KDM4C: variants seen among roughly 807,000 people sequenced by gnomAD.
KDM4C encodes the protein lysine demethylase 4C, also known as lysine-specific demethylase 4C.
Under a neutral mutation model 129.3 loss-of-function variants are expected in KDM4C, and 81 were observed. That is an observed-to-expected ratio of 0.63 (90% CI 0.52 to 0.75). KDM4C has a LOEUF of 0.75. KDM4C is among the 30% of genes least tolerant of loss of function. KDM4C has a pLI of 0.00. For missense variants in KDM4C, 1,457 were observed against 1,304.0 expected (o/e 1.12, Z -1.81); for synonymous variants, 573 against 456.1 (o/e 1.26, Z -3.26).
At chr9:6,979,443 G>T (rs762461778) in intron 8 of KDM4C, among the ~76,000 whole-genome samples, 1 of 152,074 alleles carries the variant, frequency 6.6e-6, no homozygotes, top group Non-Finnish European at 1.5e-5. Flanking sequence ...AAGCATAAGG[G>T]GCATTTGGGC....
Position 7,170,112 on chromosome 9 carries a change from C to A in KDM4C, c.2994+222C>A. 7 of 1,427,582 alleles carry A rather than the reference C, an allele frequency of 4.9e-6. No individual in the cohort carries two copies. In the South Asian group the frequency reaches 1.0e-4, roughly 20 times the overall value. 88.4% of individuals were successfully genotyped at this position (1,427,582 alleles called of 1,614,324 possible). On this transcript the variant is annotated intron_variant, in intron 21 of 21. Transcript: ENST00000381309. ...CTTTACTTTTCTTCTAATGAAGTCA[C>A]ATGATGCTTCTTTGTGTTGACATTT...
intron 6 of KDM4C, among the ~76,000 whole-genome samples, chr9:6,886,186 T>G (rs1432373760): frequency 6.6e-6 from 1 of 152,224 alleles, no homozygotes; most frequent in Non-Finnish European, 1.5e-5. Context: ...AGTGTCTTAC[T>G]TTCCCTCCAC....
At chr9:7,032,726 G>T (rs1826983464) in intron 15 of KDM4C, among the ~76,000 whole-genome samples, 1 of 152,158 alleles carries the variant, frequency 6.6e-6, no homozygotes, top group South Asian at 2.1e-4. Flanking sequence ...TCATTCCCAG[G>T]CCTTGCCTCC....
At chr9:7,107,288 A>G (rs1837800175) in intron 18 of KDM4C, among the ~76,000 whole-genome samples, 1 of 152,264 alleles carries the variant, frequency 6.6e-6, no homozygotes, top group South Asian at 2.1e-4. Context: ...GGAAAAGACA[A>G]CACAATAAAT....
At chr9:6,980,527 C>G (rs927602658) in intron 8 of KDM4C, among the ~76,000 whole-genome samples, 3 of 152,126 alleles carry the variant, frequency 2.0e-5, no homozygotes, top group Admixed American at 6.5e-5. Flanking sequence ...ATTCTAATCA[C>G]ACATTCATTG....
At chr9:7,135,632 T>TG (rs1275599751) in intron 19 of KDM4C, among the ~76,000 whole-genome samples, 5 of 152,136 alleles carry the variant, frequency 3.3e-5, no homozygotes, top group African/African-American at 1.2e-4. Context: ...TTAGGCATCA[T>TG]GGGGGATTCA....
At chr9:6,834,478 C>A in intron 4 of KDM4C, 1 of 574,754 alleles carries the variant, frequency 1.7e-6, no homozygotes, top group South Asian at 1.6e-5. Flanking sequence ...ATTGCTACGC[C>A]CGTCGTCGAC....
chr9:7,151,727 A>C (rs905157335), intron 19 of KDM4C, among the ~76,000 whole-genome samples: 1 of 152,162 alleles, frequency 6.6e-6, no homozygotes, highest in African/African-American at 2.4e-5. Flanking sequence ...ATAGACTTGG[A>C]GTTTCCCAGA....
At chr9:6,775,848 C>T (rs1267858932) in intron 1 of KDM4C, among the ~76,000 whole-genome samples, 1 of 152,132 alleles carries the variant, frequency 6.6e-6, no homozygotes, top group Non-Finnish European at 1.5e-5. Context: ...AGTTGCACTG[C>T]TGATGTTTTG....
intron 20 of KDM4C, 55 bp downstream of exon 20, chr9:7,165,412 G>A: frequency 6.3e-7 from 1 of 1,583,874 alleles, no homozygotes; most frequent in South Asian, 1.2e-5. Context: ...AAGTCAGAAG[G>A]AGATAGTATC....
At chr9:7,117,340 G>C (rs1839012684) in intron 18 of KDM4C, among the ~76,000 whole-genome samples, 2 of 152,154 alleles carry the variant, frequency 1.3e-5, no homozygotes, top group African/African-American at 2.4e-5. Context: ...ATCTGTTTTA[G>C]TGTGTTTAAC....
chr9:6,772,261 T>A (rs778645728), intron 1 of KDM4C, among the ~76,000 whole-genome samples: 10 of 152,104 alleles, frequency 6.6e-5, no homozygotes, highest in East Asian at 1.9e-4. Context: ...GCAATTCTGC[T>A]GCCTCAGCCT....
chr9:7,093,836 G>A (rs1836097852), intron 17 of KDM4C, among the ~76,000 whole-genome samples: 1 of 152,200 alleles, frequency 6.6e-6, no homozygotes, highest in African/African-American at 2.4e-5. Context: ...TCTGAAGGTA[G>A]AGGGGAGGGA....
At chr9:6,761,211 G>C (rs894802194) in intron 1 of KDM4C, among the ~76,000 whole-genome samples, 1 of 151,926 alleles carries the variant, frequency 6.6e-6, no homozygotes, top group Non-Finnish European at 1.5e-5. Context: ...GTTTCACCAT[G>C]TTGTTCAGGC....
Position 6,758,136 on chromosome 9 carries a change from G to C in KDM4C, c.-85G>C. 1 of 985,662 alleles carries C rather than the reference G, an allele frequency of 1.0e-6. No individual in the cohort carries two copies. The highest frequency in any genetic ancestry group is 1.2e-6 in the Non-Finnish European group (1 of 830,122). 61.1% of individuals were successfully genotyped at this position (985,662 alleles called of 1,614,324 possible). ...TCTCCCAAATTTCCCAAATCTCCCTGGGCCGGAGGCCACTGTCTTCTCTTC... is the reference window on the plus strand; with the variant it reads ...TCTCCCAAATTTCCCAAATCTCCCTCGGCCGGAGGCCACTGTCTTCTCTTC... On this transcript the variant is annotated 5_prime_UTR_variant, in exon 1 of 22. Transcript: ENST00000381309. The surrounding 1 kb of genome is among the most constrained non-coding windows in gnomAD (Gnocchi z 4.6).
At position 6,835,104 on chromosome 9, in the gene KDM4C, T is replaced by C. The variant is rs1835640719; in HGVS notation, c.436-14403T>C. 16 of 1,009,858 alleles carry C rather than the reference T, an allele frequency of 1.6e-5. No individual in the cohort carries two copies. The South Asian group carries it at 1.6e-4, about 10-fold the overall frequency. The allele number at this position is 1,009,858 out of a possible 1,614,324, so 62.6% of individuals were successfully genotyped here. The stretch of plus-strand genomic sequence containing the variant: ...GTGACATCAAGGAGAAGCTGTGCTA[T>C]GTTGCTCTGGCCTTCGAGCAGGAGA... On this transcript the variant is annotated intron_variant, in intron 4 of 21. Transcript: ENST00000381309.
At chr9:7,141,904 C>T (rs930844589) in intron 19 of KDM4C, among the ~76,000 whole-genome samples, 3 of 152,038 alleles carry the variant, frequency 2.0e-5, no homozygotes, top group African/African-American at 4.8e-5. Context: ...GTGACGTGAC[C>T]AGGCACTTCA....
At chr9:7,004,619 T>C (rs1319635650) in intron 12 of KDM4C, among the ~76,000 whole-genome samples, 1 of 152,242 alleles carries the variant, frequency 6.6e-6, no homozygotes, top group African/African-American at 2.4e-5. Context: ...AAGATTCTTT[T>C]AGATACTTTT....
intron 18 of KDM4C, among the ~76,000 whole-genome samples, chr9:7,112,133 G>A (rs546024997): frequency 6.6e-6 from 1 of 152,130 alleles, no homozygotes; most frequent in Non-Finnish European, 1.5e-5. Context: ...GTTCCTCAAA[G>A]TAGGGAAGAT....
Sources: allele counts gnomAD v4.1 joint callset (sites outside exome capture counted in the v4.1 genomes callset), GRCh38; gene constraint gnomAD v4.1.1; non-coding constraint Gnocchi (gnomAD v3.1); transcripts MANE v1.5; gene names NCBI Gene and HGNC (gene_info 2026-07-23, HGNC 2026-07-21).